PLAC1: variants seen among roughly 807,000 people sequenced by gnomAD.
PLAC1 encodes placenta associated 1, also known as placenta-specific protein 1.
For missense variants in PLAC1, 136 were observed against 163.2 expected, an observed-to-expected ratio of 0.83 and a Z score of 0.91; for synonymous variants, 68 against 62.1, an observed-to-expected ratio of 1.09 and a Z score of -0.44.
At chrX:134,730,201 G>A (rs2078684774) in intron 2 of PLAC1, among the ~76,000 whole-genome samples, 1 of 112,110 alleles carries the variant, frequency 8.9e-6, no homozygotes, top group Non-Finnish European at 1.9e-5. Flanking sequence ...TGAGAGAAAG[G>A]TGTGAGCTTG....
At chrX:134,649,264 C>CA (rs898452361) in intron 1 of PLAC1, among the ~76,000 whole-genome samples, 1,199 of 40,148 alleles carry the variant, frequency 0.03, 39 homozygotes, top group African/African-American at 0.076. Flanking sequence ...GACTCCATCT[C>CA]AAAAAAAAAA....
chrX:134,724,981 G>A (rs2078669681), intron 2 of PLAC1, among the ~76,000 whole-genome samples: 1 of 105,406 alleles, frequency 9.5e-6, no homozygotes. Context: ...CAGCCTGGGC[G>A]ACAGAGCGAG....
chrX:134,705,838 C>A (rs2078602973), intron 2 of PLAC1, among the ~76,000 whole-genome samples: 1 of 111,716 alleles, frequency 9.0e-6, no homozygotes, highest in Non-Finnish European at 1.9e-5. Context: ...AGTTTCAAGA[C>A]AAGATGAAAT....
At chrX:134,682,452 G>A (rs148061270) in intron 2 of PLAC1, among the ~76,000 whole-genome samples, 40 of 111,888 alleles carry the variant, frequency 3.6e-4, no homozygotes, top group African/African-American at 1.2e-3. Flanking sequence ...GGGGCTCAAG[G>A]GGAAAGGAAG....
At chrX:134,622,357 C>A (rs1476815084) in intron 1 of PLAC1, among the ~76,000 whole-genome samples, 4 of 111,250 alleles carry the variant, frequency 3.6e-5, no homozygotes, top group Non-Finnish European at 7.5e-5. Context: ...CCCCTCCTCC[C>A]CCCTCCACAG....
chrX:134,667,758 T>TA (rs200949077), intron 2 of PLAC1, among the ~76,000 whole-genome samples: 49 of 107,371 alleles, frequency 4.6e-4, no homozygotes, highest in Middle Eastern at 9.5e-3. Context: ...CCCATCTCTA[T>TA]AAAAAAAAAA....
intron 1 of PLAC1, among the ~76,000 whole-genome samples, chrX:134,644,248 T>C (rs2078320647): frequency 2.7e-5 from 3 of 111,035 alleles, no homozygotes; most frequent in African/African-American, 9.8e-5. Flanking sequence ...AATATAATCA[T>C]CTAACAAAAA....
At chrX:134,637,138 A>G (rs1335221003) in intron 1 of PLAC1, among the ~76,000 whole-genome samples, 1 of 112,018 alleles carries the variant, frequency 8.9e-6, no homozygotes, top group Admixed American at 9.4e-5. Flanking sequence ...GCTTTCCCTC[A>G]ATTTCAGGCA....
At chrX:134,676,432 G>A (rs929483806) in intron 2 of PLAC1, among the ~76,000 whole-genome samples, 9 of 111,863 alleles carry the variant, frequency 8.0e-5, no homozygotes, top group Admixed American at 1.9e-4. Flanking sequence ...AGGCTTCGTC[G>A]CCCGTGGCTT....
At chrX:134,734,591 G>T (rs761098460) in intron 1 of PLAC1, among the ~76,000 whole-genome samples, 1 of 112,519 alleles carries the variant, frequency 8.9e-6, no homozygotes, top group South Asian at 3.7e-4. Flanking sequence ...ACTTGCTACC[G>T]CGAACAGCCA....
At chrX:134,710,997 T>C (rs2078626563) in intron 2 of PLAC1, among the ~76,000 whole-genome samples, 2 of 111,969 alleles carry the variant, frequency 1.8e-5, no homozygotes, top group Admixed American at 1.9e-4. Flanking sequence ...TACTAATAAC[T>C]CTATATGTTA....
chrX:134,747,196 G>A (rs1309847938), intron 1 of PLAC1, among the ~76,000 whole-genome samples: 1 of 112,031 alleles, frequency 8.9e-6, no homozygotes, highest in Non-Finnish European at 1.9e-5. Flanking sequence ...ACCACCTAGA[G>A]TTAAATGAAA....
At chrX:134,575,913 T>C (rs921380963) in intron 2 of PLAC1, among the ~76,000 whole-genome samples, 1 of 109,305 alleles carries the variant, frequency 9.1e-6, no homozygotes, top group African/African-American at 3.3e-5. Context: ...ATACACCATA[T>C]ATAATGTTAA....
intron 2 of PLAC1, among the ~76,000 whole-genome samples, chrX:134,726,732 G>C (rs1356704719): frequency 2.0e-5 from 2 of 100,069 alleles, no homozygotes; most frequent in Non-Finnish European, 4.0e-5. Flanking sequence ...CTGAGGCAGG[G>C]GAATCACTTG....
intron 2 of PLAC1, among the ~76,000 whole-genome samples, chrX:134,574,228 C>T (rs944199281): frequency 9.0e-6 from 1 of 111,383 alleles, no homozygotes; most frequent in South Asian, 3.8e-4. Context: ...AATTATTGTA[C>T]CATAAATTCC....
intron 2 of PLAC1, among the ~76,000 whole-genome samples, chrX:134,665,733 C>T (rs999412712): frequency 1.8e-5 from 2 of 111,018 alleles, no homozygotes; most frequent in African/African-American, 3.3e-5. Context: ...AGAGGTTTAG[C>T]GGGAAATACC....
intron 2 of PLAC1, among the ~76,000 whole-genome samples, chrX:134,583,731 C>T (rs2065666698): frequency 9.0e-6 from 1 of 110,780 alleles, no homozygotes; most frequent in Non-Finnish European, 1.9e-5. Flanking sequence ...GCCCCCACCT[C>T]CCTCCACCCC....
intron 1 of PLAC1, among the ~76,000 whole-genome samples, chrX:134,745,824 A>G (rs2078727820): frequency 9.0e-6 from 1 of 111,479 alleles, no homozygotes; most frequent in Non-Finnish European, 1.9e-5. Flanking sequence ...AAAGGAAACC[A>G]GCCCTTTCCA....
At chrX:134,646,139 G>GA (rs988748414) in intron 1 of PLAC1, among the ~76,000 whole-genome samples, 3 of 112,043 alleles carry the variant, frequency 2.7e-5, no homozygotes, top group African/African-American at 9.7e-5. Flanking sequence ...GAGTAGCAAT[G>GA]AAAAGCAGCT....
Sources: gnomAD v4.1 joint callset for allele counts (sites outside exome capture counted in the v4.1 genomes callset) on GRCh38, gnomAD v4.1.1 for gene constraint, MANE v1.5 for transcripts, NCBI Gene and HGNC (gene_info 2026-07-23, HGNC 2026-07-21) for gene names.